TPD52L1: variants seen among roughly 807,000 people sequenced by gnomAD.
TPD52L1 encodes TPD52 like 1, also known as tumor protein D53.
In TPD52L1, 18 loss-of-function variants were observed where a neutral mutation model predicts 28.7. That is an observed-to-expected ratio of 0.63 (90% CI 0.43 to 0.93). The LOEUF is 0.93. Among genes scored for constraint, TPD52L1 ranks in the 40% least tolerant of loss-of-function variants. TPD52L1 has a pLI of 0.00. For missense variants in TPD52L1, 203 were observed against 254.8 expected, an observed-to-expected ratio of 0.80 and a Z score of 1.39; for synonymous variants, 75 against 88.8, an observed-to-expected ratio of 0.84 and a Z score of 0.88.
At chr6:125,235,091 C>G (rs1796175842) in intron 3 of TPD52L1, among the ~76,000 whole-genome samples, 1 of 79,706 alleles carries the variant, frequency 1.3e-5, no homozygotes, top group Non-Finnish European at 2.6e-5. Flanking sequence ...GATACCCTGT[C>G]TACAAATAAC....
At chr6:125,157,994 G>A (rs755231972) in intron 1 of TPD52L1, among the ~76,000 whole-genome samples, 1 of 152,032 alleles carries the variant, frequency 6.6e-6, no homozygotes, top group Non-Finnish European at 1.5e-5. Context: ...GGTGGCTGCC[G>A]ACATTCTTGG....
intron 1 of TPD52L1, among the ~76,000 whole-genome samples, chr6:125,190,474 T>C (rs111568949): frequency 0.016 from 2,488 of 152,296 alleles, 40 homozygotes; most frequent in Middle Eastern, 0.027. Context: ...GGGACTGGTT[T>C]CCTGGAAGAC....
chr6:125,251,941 A>G lies in TPD52L1; in HGVS notation c.387-1776A>G, dbSNP rs1234513991. 3 of 1,453,604 alleles carry G rather than the reference A, an allele frequency of 2.1e-6. No homozygotes were observed. In the East Asian group the frequency reaches 7.4e-5, roughly 36 times the overall value. The allele number at this position is 1,453,604 out of a possible 1,614,324, so 90.0% of individuals were successfully genotyped here. ...GCTCTGGGGCCCTTGAAAGGGGACC[A>G]CCAAGGGCAGTGCAGTGTTTCTCTG... On this transcript the variant is annotated intron_variant, in intron 4 of 6. Transcript: ENST00000534000.
At chr6:125,251,365 GAAC>G (rs10644696) in intron 4 of TPD52L1, among the ~76,000 whole-genome samples, 1 of 151,810 alleles carries the variant, frequency 6.6e-6, no homozygotes, top group Admixed American at 6.6e-5. Flanking sequence ...TAGCTTGGAA[GAAC>G]AACAGTACCT....
At chr6:125,180,044 C>T (rs1351136408) in intron 1 of TPD52L1, among the ~76,000 whole-genome samples, 1 of 152,188 alleles carries the variant, frequency 6.6e-6, no homozygotes, top group Non-Finnish European at 1.5e-5. Context: ...CTGGACGGAA[C>T]TCTGATGCTG....
intron 3 of TPD52L1, among the ~76,000 whole-genome samples, chr6:125,235,095 AAATAAC>A (rs1182906653): frequency 1.5e-5 from 1 of 64,890 alleles, no homozygotes; most frequent in Non-Finnish European, 2.9e-5. Context: ...CCCTGTCTAC[AAATAAC>A]AATAATAATA....
intron 1 of TPD52L1, among the ~76,000 whole-genome samples, chr6:125,164,314 G>A (rs551494279): frequency 2.0e-4 from 30 of 152,290 alleles, no homozygotes; most frequent in African/African-American, 6.5e-4. Flanking sequence ...CTTGCGACAT[G>A]TCAAGTTGCG....
intron 2 of TPD52L1, 154 bp from the exon 3 acceptor site, chr6:125,228,964 G>T: frequency 1.9e-6 from 1 of 530,978 alleles, no homozygotes; most frequent in Admixed American, 4.0e-5. Context: ...TGAGATATTA[G>T]ACTATCATCT....
chr6:125,168,730 A>G (rs992919365), intron 1 of TPD52L1, among the ~76,000 whole-genome samples: 5 of 151,922 alleles, frequency 3.3e-5, no homozygotes, highest in Non-Finnish European at 5.9e-5. Context: ...GTTGGCCAGG[A>G]TGGTCTCGAT....
chr6:125,230,162 C>G (rs1007030749), intron 3 of TPD52L1, among the ~76,000 whole-genome samples: 1 of 152,156 alleles, frequency 6.6e-6, no homozygotes, highest in African/African-American at 2.4e-5. Context: ...ACAGAATAAT[C>G]TCAGTTATTC....
At chr6:125,199,029 T>G (rs1043081999) in intron 1 of TPD52L1, among the ~76,000 whole-genome samples, 1 of 152,230 alleles carries the variant, frequency 6.6e-6, no homozygotes, top group Admixed American at 6.5e-5. Context: ...GTTAACATAT[T>G]AACATTATTG....
At chr6:125,179,843 T>A (rs1025471065) in intron 1 of TPD52L1, among the ~76,000 whole-genome samples, 1 of 152,104 alleles carries the variant, frequency 6.6e-6, no homozygotes, top group Non-Finnish European at 1.5e-5. Context: ...TTAAAGGGAG[T>A]TTTTTTCTGC....
chr6:125,212,133 A>C (rs2114934952), intron 1 of TPD52L1, among the ~76,000 whole-genome samples: 1 of 152,310 alleles, frequency 6.6e-6, no homozygotes, highest in South Asian at 2.1e-4. Context: ...TTTTTACCAA[A>C]CATCATGAAG....
intron 3 of TPD52L1, among the ~76,000 whole-genome samples, chr6:125,235,680 T>C (rs1456146702): frequency 3.3e-5 from 5 of 152,212 alleles, no homozygotes; most frequent in Non-Finnish European, 5.9e-5. Context: ...GTTTACCCTT[T>C]TGAAATCTCT....
intron 3 of TPD52L1, among the ~76,000 whole-genome samples, chr6:125,239,215 CT>C (rs1796471114): frequency 6.6e-6 from 1 of 152,118 alleles, no homozygotes; most frequent in East Asian, 1.9e-4. Context: ...TTGCATTTCT[CT>C]GATAATTAGT....
chr6:125,211,602 G>A (rs981189557), intron 1 of TPD52L1, among the ~76,000 whole-genome samples: 2 of 152,144 alleles, frequency 1.3e-5, no homozygotes, highest in Non-Finnish European at 2.9e-5. Flanking sequence ...ACTCTCAAAG[G>A]TTCAAGTAGG....
chr6:125,238,811 T>G (rs1796439266), intron 3 of TPD52L1, among the ~76,000 whole-genome samples: 1 of 152,178 alleles, frequency 6.6e-6, no homozygotes. Flanking sequence ...TACAAATAAA[T>G]AAAGAAAAAT....
intron 6 of TPD52L1, 58 bp from the exon 7 acceptor site, chr6:125,262,776 A>G (rs1448042069): frequency 1.3e-6 from 2 of 1,548,056 alleles, no homozygotes; most frequent in Non-Finnish European, 1.7e-6. Context: ...TTCTTATAAA[A>G]ACATTACAAA....
At chr6:125,224,013 T>G (rs1795430385) in intron 2 of TPD52L1, among the ~76,000 whole-genome samples, 2 of 152,146 alleles carry the variant, frequency 1.3e-5, no homozygotes, top group African/African-American at 2.4e-5. Flanking sequence ...TTTATTCTCA[T>G]TGGTCTTATT....
Sources: allele counts gnomAD v4.1 joint callset (sites outside exome capture counted in the v4.1 genomes callset), GRCh38; gene constraint gnomAD v4.1.1; transcripts MANE v1.5; gene names NCBI Gene and HGNC (gene_info 2026-07-23, HGNC 2026-07-21).